PPP3CA: variants seen among roughly 807,000 people sequenced by gnomAD.
PPP3CA encodes protein phosphatase 3 catalytic subunit alpha, also known as CAM-PRP catalytic subunit.
In PPP3CA, 14 loss-of-function variants were observed where a neutral mutation model predicts 66.5. The ratio of observed to expected loss-of-function variants is 0.21; its 90% CI spans 0.14 to 0.33. The LOEUF is 0.33. PPP3CA is among the 10% of genes least tolerant of loss of function. PPP3CA has a pLI of 1.00. For synonymous variants in PPP3CA, 232 were observed against 226.2 expected, an observed-to-expected ratio of 1.03 and a Z score of -0.23; for missense variants, 317 against 639.5, an observed-to-expected ratio of 0.50 and a Z score of 5.44.
At chr4:101,077,494 A>T (rs1729244601) in intron 8 of PPP3CA, among the ~76,000 whole-genome samples, 1 of 152,190 alleles carries the variant, frequency 6.6e-6, no homozygotes, top group Non-Finnish European at 1.5e-5. Context: ...TCTAGTTAAC[A>T]TCAATCTTAT....
At position 101,305,240 on chromosome 4, in the gene PPP3CA, C is replaced by A. The variant is rs553873256; in HGVS notation, c.58+41499G>T. On this transcript the variant is annotated intron_variant, in intron 1 of 13. Transcript: ENST00000394854. ...GAAGAAAAACTGCCTGGTTTTCAGG[C>A]GGTGTTTCTTTTTGCTCATGTGAAT... Among the ~76,000 whole-genome samples the A allele has an allele frequency of 9.9e-4, 151 of 152,244 alleles. 2 individuals are homozygous for A. Among genetic ancestry groups the A allele is most frequent in the Non-Finnish European group, 2.9e-4 (20 of 68,004 alleles).
intron 5 of PPP3CA, among the ~76,000 whole-genome samples, chr4:101,095,693 T>C (rs573747157): frequency 6.6e-6 from 1 of 152,246 alleles, no homozygotes; most frequent in South Asian, 2.1e-4. Flanking sequence ...CCTGTGTCAC[T>C]CAGGCTGGAG....
At chr4:101,303,226 C>T (rs181575021) in intron 1 of PPP3CA, among the ~76,000 whole-genome samples, 3 of 151,998 alleles carry the variant, frequency 2.0e-5, no homozygotes, top group Non-Finnish European at 4.4e-5. Context: ...AGTAAAATGG[C>T]CAAAATTTAT....
intron 2 of PPP3CA, among the ~76,000 whole-genome samples, chr4:101,126,037 C>T (rs954940113): frequency 6.6e-6 from 1 of 152,066 alleles, no homozygotes; most frequent in African/African-American, 2.4e-5. Context: ...AATTTATACA[C>T]AATATTTTTA....
intron 1 of PPP3CA, among the ~76,000 whole-genome samples, chr4:101,204,503 G>A (rs923849457): frequency 2.7e-4 from 41 of 151,890 alleles, no homozygotes; most frequent in African/African-American, 9.4e-4. Context: ...GGGCGTGGTG[G>A]CAGGCGCCTG....
rs184089635 is a variant in PPP3CA at position 101,339,360 on chromosome 4, T to C, written c.58+7379A>G. 1.1e-4 allele frequency among the ~76,000 whole-genome samples: 16 copies of C among 152,262 alleles called. No individual in the cohort carries two copies. The East Asian group carries it at 2.1e-3, about 20-fold the overall frequency. ...CATATTTTTTCTCATTTGTCAGAAA[T>C]TGACCAGCCTAAAGGGGAATACAAT... is the stretch of plus-strand genomic sequence containing the variant. On this transcript the variant is annotated intron_variant, in intron 1 of 13. Coordinates refer to ENST00000394854, the MANE Select transcript of PPP3CA (RefSeq NM_000944.5).
At chr4:101,155,577 C>T (rs1032156726) in intron 2 of PPP3CA, among the ~76,000 whole-genome samples, 2 of 152,190 alleles carry the variant, frequency 1.3e-5, no homozygotes, top group Non-Finnish European at 2.9e-5. Flanking sequence ...CCAGGAGAGA[C>T]AGTTCCTTTC....
At chr4:101,260,155 C>T (rs887307230) in intron 1 of PPP3CA, among the ~76,000 whole-genome samples, 2 of 152,066 alleles carry the variant, frequency 1.3e-5, no homozygotes, top group African/African-American at 4.8e-5. Context: ...ATCGTATCAA[C>T]GACAAAGGTG....
At chr4:101,102,554 C>T (rs1462618039) in intron 3 of PPP3CA, among the ~76,000 whole-genome samples, 1 of 152,162 alleles carries the variant, frequency 6.6e-6, no homozygotes, top group African/African-American at 2.4e-5. Flanking sequence ...AGGTGGAGCC[C>T]TGCCAGCATT....
At chr4:101,219,269 T>G (rs1168460804) in intron 1 of PPP3CA, among the ~76,000 whole-genome samples, 1 of 151,998 alleles carries the variant, frequency 6.6e-6, no homozygotes, top group Non-Finnish European at 1.5e-5. Context: ...ATTGCATGCT[T>G]CACAATTTAA....
chr4:101,281,984 G>T (rs1727698576), intron 1 of PPP3CA, among the ~76,000 whole-genome samples: 1 of 152,088 alleles, frequency 6.6e-6, no homozygotes, highest in Admixed American at 6.5e-5. Context: ...ACACATTCAT[G>T]GAGCTTTCCA....
At chr4:101,287,749 G>T (rs919919262) in intron 1 of PPP3CA, among the ~76,000 whole-genome samples, 2 of 148,056 alleles carry the variant, frequency 1.4e-5, no homozygotes, top group African/African-American at 4.9e-5. Context: ...ATAGTAGCTA[G>T]TGTTCTATTA....
intron 1 of PPP3CA, among the ~76,000 whole-genome samples, chr4:101,342,590 A>G (rs1211249886): frequency 6.6e-6 from 1 of 152,176 alleles, no homozygotes; most frequent in African/African-American, 2.4e-5. Context: ...CTTCACATCC[A>G]ATGCTGATGT....
At chr4:101,277,218 C>T (rs1727523855) in intron 1 of PPP3CA, among the ~76,000 whole-genome samples, 1 of 152,146 alleles carries the variant, frequency 6.6e-6, no homozygotes, top group African/African-American at 2.4e-5. Flanking sequence ...TTCTCCATTT[C>T]TATGTGGCTT....
At chr4:101,026,497 A>G (rs948176971) in intron 13 of PPP3CA, among the ~76,000 whole-genome samples, 5 of 152,144 alleles carry the variant, frequency 3.3e-5, no homozygotes, top group Non-Finnish European at 5.9e-5. Context: ...GGTAATGGCA[A>G]ATTCAGTGGA....
At chr4:101,301,704 G>A (rs965474627) in intron 1 of PPP3CA, among the ~76,000 whole-genome samples, 2 of 148,942 alleles carry the variant, frequency 1.3e-5, no homozygotes, top group African/African-American at 2.4e-5. Flanking sequence ...ATGTTGGCCA[G>A]GCTGGTCTTA....
chr4:101,166,568 T>G (rs1440207354), intron 2 of PPP3CA, among the ~76,000 whole-genome samples: 2 of 152,176 alleles, frequency 1.3e-5, no homozygotes, highest in African/African-American at 4.8e-5. Flanking sequence ...TTCTCATTGC[T>G]TAGGTCATGT....
chr4:101,255,063 G>C (rs1253594860), intron 1 of PPP3CA, among the ~76,000 whole-genome samples: 3 of 145,362 alleles, frequency 2.1e-5, no homozygotes, highest in Non-Finnish European at 1.5e-5. Flanking sequence ...AAAGAAGCAT[G>C]AGTCCCAGGA....
rs539247665 is a variant in PPP3CA at position 101,149,012 on chromosome 4, T to A, written c.260-39934A>T. On this transcript the variant is annotated intron_variant, in intron 2 of 13. Transcript: ENST00000394854. ...TAAAGATAATTTTTTAAAATTTGTGTCTTGTTGAAGTTTCCTATATTTTAA... is the reference window on the plus strand; with the variant it reads ...TAAAGATAATTTTTTAAAATTTGTGACTTGTTGAAGTTTCCTATATTTTAA... 7.9e-4 allele frequency among the ~76,000 whole-genome samples: 120 copies of A among 152,290 alleles called. 1 individual carries two copies. The South Asian group carries it at 0.012, about 15-fold the overall frequency.
Sources: gnomAD v4.1 joint callset for allele counts (sites outside exome capture counted in the v4.1 genomes callset) on GRCh38, gnomAD v4.1.1 for gene constraint, MANE v1.5 for transcripts, NCBI Gene and HGNC (gene_info 2026-07-23, HGNC 2026-07-21) for gene names.